Variants in PLPP3 observed in about 807,000 individuals in gnomAD.
PLPP3 encodes phospholipid phosphatase 3, also known as PAP2 beta.
PLPP3 carries 6 observed loss-of-function variants against 29.6 expected under a neutral mutation model. The observed-to-expected ratio is 0.20, with a 90% CI of 0.11 to 0.40. The LOEUF is 0.40. PLPP3 is among the 10% of genes least tolerant of loss of function. PLPP3 has a pLI of 1.00. For missense variants in PLPP3, 308 were observed against 407.7 expected (o/e 0.76, Z 2.11); for synonymous variants, 152 against 159.7 (o/e 0.95, Z 0.36).
rs76245015 is a variant in PLPP3, at chr1:56,543,330, T to C, written c.140-6218A>G. 1.4e-4 allele frequency among the ~76,000 whole-genome samples: 22 copies of C among 152,308 alleles called. No individual in the cohort carries two copies. The East Asian group carries it at 4.2e-3, about 29-fold the overall frequency. ...AACAGAAAACTGAGGCCAGAAGTTT[T>C]ATAACTGGTACAAGGTCCTCAAGTG... On this transcript the variant is annotated intron_variant, in intron 1 of 5. Transcript: ENST00000371250.
chr1:56,550,105 A>G (rs1261815269), intron 1 of PLPP3, among the ~76,000 whole-genome samples: 1 of 152,156 alleles, frequency 6.6e-6, no homozygotes, highest in African/African-American at 2.4e-5. Context: ...ATCTTTAGGT[A>G]CTTTTAACTG....
intron 5 of PLPP3, among the ~76,000 whole-genome samples, chr1:56,499,289 C>T (rs1041512238): frequency 4.6e-5 from 7 of 152,050 alleles, no homozygotes; most frequent in African/African-American, 9.7e-5. Context: ...GAAGGCATTC[C>T]GTTCTCTAAT....
intron 5 of PLPP3, among the ~76,000 whole-genome samples, chr1:56,504,435 G>A (rs1645688854): frequency 6.6e-6 from 1 of 152,156 alleles, no homozygotes; most frequent in South Asian, 2.1e-4. Context: ...CTCTGTCTAT[G>A]GGGTGCTAAA....
At chr1:56,500,586 G>T (rs1645660503) in intron 5 of PLPP3, among the ~76,000 whole-genome samples, 1 of 152,228 alleles carries the variant, frequency 6.6e-6, no homozygotes, top group South Asian at 2.1e-4. Context: ...AGGCTGGAGA[G>T]GAGAGGACTA....
intron 1 of PLPP3, among the ~76,000 whole-genome samples, chr1:56,552,593 C>T (rs1448097029): frequency 6.6e-6 from 1 of 152,086 alleles, no homozygotes; most frequent in Non-Finnish European, 1.5e-5. Context: ...TCAGAGAGCT[C>T]CTGGTTCTCA....
chr1:56,557,018 G>GAAAGAAAGAAGGAAAGAAAGAAAGAAA (rs1273560377), intron 1 of PLPP3, among the ~76,000 whole-genome samples: 1 of 13,802 alleles, frequency 7.2e-5, no homozygotes, highest in Non-Finnish European at 1.8e-4. Flanking sequence ...AAGAGAGAGA[G>GAAAGAAAGAAGGAAAGAAAGAAAGAAA]AGAGAGAAAG....
rs149516524 is a variant in PLPP3 at position 56,564,265 on chromosome 1, C to T, written c.139+14613G>A. On this transcript the variant is annotated intron_variant, in intron 1 of 5. Coordinates refer to ENST00000371250, the MANE Select transcript of PLPP3 (RefSeq NM_003713.5). ...CAGGCTTGTATGATTTGATGAGATTCGTGGATGTGTCTGACTATACTGTCA... is the reference window on the plus strand; with the variant it reads ...CAGGCTTGTATGATTTGATGAGATTTGTGGATGTGTCTGACTATACTGTCA... Among the ~76,000 whole-genome samples, 1,096 of 152,192 alleles carry T rather than the reference C, an allele frequency of 7.2e-3. 7 individuals are homozygous for T. Among genetic ancestry groups the T allele is most frequent in the African/African-American group, 0.024 (1,016 of 41,524 alleles).
intron 2 of PLPP3, among the ~76,000 whole-genome samples, chr1:56,533,067 C>A (rs1052074381): frequency 7.4e-6 from 1 of 135,982 alleles, no homozygotes; most frequent in Non-Finnish European, 1.6e-5. Flanking sequence ...TTTTTTTTTT[C>A]TTTTTGATAC....
At chr1:56,556,646 C>A (rs1179824425) in intron 1 of PLPP3, among the ~76,000 whole-genome samples, 2 of 151,244 alleles carry the variant, frequency 1.3e-5, no homozygotes, top group Admixed American at 6.6e-5. Context: ...GTTTTTGAGA[C>A]CCTGTCTCAA....
intron 4 of PLPP3, among the ~76,000 whole-genome samples, chr1:56,519,742 G>GT (rs1285883010): frequency 1.4e-5 from 2 of 144,630 alleles, no homozygotes; most frequent in Non-Finnish European, 3.1e-5. Context: ...TATGCTGTGG[G>GT]TTTGTTTTTT....
chr1:56,506,760 G>C (rs1005600993), intron 5 of PLPP3, among the ~76,000 whole-genome samples: 1 of 152,136 alleles, frequency 6.6e-6, no homozygotes, highest in Non-Finnish European at 1.5e-5. Context: ...CTTAGTGAGT[G>C]TGTAGGCGGG....
intron 5 of PLPP3, among the ~76,000 whole-genome samples, chr1:56,500,979 G>A (rs1645663424): frequency 1.4e-5 from 2 of 141,940 alleles, no homozygotes; most frequent in African/African-American, 5.2e-5. Flanking sequence ...ACTCCAGCCT[G>A]GGCGAGACAG....
At chr1:56,511,895 G>A in intron 5 of PLPP3, 81 bp downstream of exon 5, 1 of 1,557,850 alleles carries the variant, frequency 6.4e-7, no homozygotes. Context: ...GGGCTCTCTA[G>A]CTTTAGTCAC....
chr1:56,532,600 C>T (rs1645897206), intron 2 of PLPP3, among the ~76,000 whole-genome samples: 1 of 152,134 alleles, frequency 6.6e-6, no homozygotes, highest in Non-Finnish European at 1.5e-5. Context: ...GCATGTGGTA[C>T]AGAGTGTGTT....
rs1443135662 is a variant in PLPP3 at position 56,579,134 on chromosome 1, C to G, written c.-118G>C. On this transcript the variant is annotated 5_prime_UTR_variant, in exon 1 of 6. Transcript: ENST00000371250. The stretch of plus-strand genomic sequence containing the variant: ...CTGCTGCGGATAGTGGCGGGTCGGC[C>G]CCGGCTCCGGGCGCGGCGGCTAGAG... The G allele has an allele frequency of 7.2e-7, 1 of 1,397,292 alleles. No individual in the cohort carries two copies. Among genetic ancestry groups the G allele is most frequent in the Non-Finnish European group, 9.4e-7 (1 of 1,064,468 alleles). The allele number at this position is 1,397,292 out of a possible 1,614,324, so 86.6% of individuals were successfully genotyped here.
At chr1:56,517,984 C>T (rs9437006) in intron 4 of PLPP3, among the ~76,000 whole-genome samples, 15,736 of 152,222 alleles carry the variant, frequency 0.1, 950 homozygotes, top group Middle Eastern at 0.14. Flanking sequence ...GAGTCCACCC[C>T]TAAGCAGAGA....
At chr1:56,530,221 A>C (rs1255162514) in intron 2 of PLPP3, among the ~76,000 whole-genome samples, 3 of 151,318 alleles carry the variant, frequency 2.0e-5, no homozygotes, top group Non-Finnish European at 4.4e-5. Context: ...TCCACATCTG[A>C]CTTCTACCCA....
At chr1:56,575,533 G>A (rs1453570820) in intron 1 of PLPP3, among the ~76,000 whole-genome samples, 1 of 152,108 alleles carries the variant, frequency 6.6e-6, no homozygotes, top group Non-Finnish European at 1.5e-5. Flanking sequence ...TTCTGCTTTG[G>A]TGCAAATGGG....
At chr1:56,567,046 T>C (rs1370200351) in intron 1 of PLPP3, among the ~76,000 whole-genome samples, 2 of 152,186 alleles carry the variant, frequency 1.3e-5, no homozygotes, top group African/African-American at 4.8e-5. Flanking sequence ...GGTTTTACTA[T>C]TTGCATGTTT....
Sources: gnomAD v4.1 joint callset for allele counts (sites outside exome capture counted in the v4.1 genomes callset) on GRCh38, gnomAD v4.1.1 for gene constraint, MANE v1.5 for transcripts, NCBI Gene and HGNC (gene_info 2026-07-23, HGNC 2026-07-21) for gene names.